EYA3: variants seen among roughly 807,000 people sequenced by gnomAD.
EYA3 encodes EYA transcriptional coactivator and phosphatase 3.
In EYA3, 39 loss-of-function variants were observed where a neutral mutation model predicts 80.0. That is an observed-to-expected ratio of 0.49 (90% CI 0.38 to 0.64). The LOEUF (loss-of-function observed/expected upper bound fraction) is 0.64, where lower values mean the gene tolerates loss of function less well. Among genes scored for constraint, EYA3 ranks in the 30% least tolerant of loss-of-function variants. EYA3 has a pLI of 0.00. For missense variants in EYA3, 523 were observed against 676.1 expected (o/e 0.77, Z 2.51); for synonymous variants, 206 against 232.8 (o/e 0.88, Z 1.05).
intron 7 of EYA3, among the ~76,000 whole-genome samples, chr1:28,022,651 C>A (rs1642520015): frequency 2.0e-5 from 3 of 152,152 alleles, no homozygotes; most frequent in Admixed American, 2.0e-4. Flanking sequence ...TTTGTTTGCT[C>A]TGTCAGCTGA....
At position 28,013,301 on chromosome 1, in the gene EYA3, G is replaced by T. The variant is rs1425202303; in HGVS notation, c.586-7C>A. The T allele has an allele frequency of 6.3e-7, 1 of 1,594,922 alleles. No individual in the cohort carries two copies. The highest frequency in any genetic ancestry group is 8.5e-7 in the Non-Finnish European group (1 of 1,170,734). On this transcript the variant is annotated splice_region_variant and splice_polypyrimidine_tract_variant and intron_variant, in intron 8 of 17. Coordinates refer to ENST00000373871, the MANE Select transcript of EYA3 (RefSeq NM_001990.4). This position sits in a 1 kb window ranked among gnomAD's most constrained non-coding sequence, Gnocchi z 4.0. ...TAGTATAGGTGGGATAATCCTGCAGGCCAAAGGAAATAAGAAAACAAGACT... is the reference window on the plus strand; with the variant it reads ...TAGTATAGGTGGGATAATCCTGCAGTCCAAAGGAAATAAGAAAACAAGACT...
intron 4 of EYA3, 43 bp downstream of exon 4, chr1:28,042,528 T>C (rs371140944): frequency 8.5e-6 from 13 of 1,533,452 alleles, no homozygotes; most frequent in Admixed American, 3.4e-5. Flanking sequence ...CATTACTAGT[T>C]ATAGGAATAT....
At chr1:28,044,635 G>C (rs896903973) in intron 3 of EYA3, among the ~76,000 whole-genome samples, 1 of 152,038 alleles carries the variant, frequency 6.6e-6, no homozygotes, top group African/African-American at 2.4e-5. Flanking sequence ...CAGCAAAATT[G>C]TAAAAAGAAA....
At chr1:27,999,839 A>C (rs1640707303) in intron 12 of EYA3, 121 bp downstream of exon 12, 1 of 642,910 alleles carries the variant, frequency 1.6e-6, no homozygotes, top group African/African-American at 1.9e-5. Flanking sequence ...CTTAGTGGCC[A>C]GCTGGCCTCT....
At chr1:27,994,580 G>A (rs1487114372) in intron 13 of EYA3, among the ~76,000 whole-genome samples, 2 of 152,060 alleles carry the variant, frequency 1.3e-5, no homozygotes, top group Admixed American at 6.5e-5. Context: ...CCAGCTACTC[G>A]GGAGACTGAG....
At chr1:28,077,503 T>A (rs1357445647) in intron 1 of EYA3, among the ~76,000 whole-genome samples, 1 of 152,198 alleles carries the variant, frequency 6.6e-6, no homozygotes, top group Non-Finnish European at 1.5e-5. Context: ...CTGAATTAGC[T>A]ATGTCAAAGT....
At chr1:27,999,827 G>T in intron 12 of EYA3, 133 bp downstream of exon 12, 1 of 566,452 alleles carries the variant, frequency 1.8e-6, no homozygotes. Flanking sequence ...ATGTATGTAT[G>T]CCTTAGTGGC....
chr1:28,038,439 T>TAAAAAAAAAAAAA (rs74525723), intron 5 of EYA3, among the ~76,000 whole-genome samples: 40 of 68,490 alleles, frequency 5.8e-4, no homozygotes, highest in African/African-American at 1.1e-3. Context: ...GATTCTATCT[T>TAAAAAAAAAAAAA]AAAAAAAAAA....
rs1288901227 is a variant in EYA3 at position 28,007,864 on chromosome 1, T to C, written c.909+3083A>G. On this transcript the variant is annotated intron_variant, in intron 10 of 17. Transcript: ENST00000373871. ...CGCAATCCCTATCAAAATCCAATAG[T>C]AGTTTTTTAAAAAAATAGAAAATTG... Among the ~76,000 whole-genome samples the C allele has an allele frequency of 3.3e-5, 5 of 152,112 alleles. No homozygotes were observed. In the East Asian group the frequency reaches 5.8e-4, roughly 18 times the overall value.
At position 27,978,422 on chromosome 1, in the gene EYA3, T is replaced by C; in HGVS notation, c.1593A>G (p.Thr531=). Residue 531 remains threonine (T), a synonymous_variant, in exon 17 of 18, where the codon ACA becomes ACG. Transcript: ENST00000373871. Reference sequence around the variant, plus strand: ...CTCGTCCATCTCCAATCACTACATATGTGACTTTCTTTCCAAACCTTGACA... The same window carrying C: ...CTCGTCCATCTCCAATCACTACATACGTGACTTTCTTTCCAAACCTTGACA... The part of the protein sequence containing the change: ...RIVSRFGKKV[T]YVVIGDGRDE... The C allele has an allele frequency of 1.9e-6, 3 of 1,614,196 alleles. No homozygotes were observed. Among genetic ancestry groups the C allele is most frequent in the Non-Finnish European group, 2.5e-6 (3 of 1,180,020 alleles).
intron 4 of EYA3, 77 bp downstream of exon 4, chr1:28,042,494 G>A (rs1055297774): frequency 1.7e-5 from 23 of 1,358,522 alleles, no homozygotes; most frequent in African/African-American, 1.2e-4. Flanking sequence ...AGGCAATTAC[G>A]AAAAACCAAC....
At chr1:28,042,097 T>C (rs1643814982) in intron 4 of EYA3, among the ~76,000 whole-genome samples, 1 of 152,204 alleles carries the variant, frequency 6.6e-6, no homozygotes, top group African/African-American at 2.4e-5. Flanking sequence ...GAGGTGAAAC[T>C]AGAATTCTAC....
chr1:28,085,521 AAAAC>A (rs1179540189), intron 1 of EYA3, among the ~76,000 whole-genome samples: 3 of 152,232 alleles, frequency 2.0e-5, no homozygotes, highest in East Asian at 1.9e-4. Context: ...CAAGGACCAA[AAAAC>A]AAACAAACAA....
intron 2 of EYA3, among the ~76,000 whole-genome samples, chr1:28,052,121 G>A (rs374493303): frequency 2.6e-5 from 4 of 152,152 alleles, no homozygotes. Context: ...CATTTCTCAC[G>A]CCTTGGCCTC....
At chr1:27,999,872 CATATCTTCTA>C in intron 12 of EYA3, 78 bp downstream of exon 12, 1 of 978,968 alleles carries the variant, frequency 1.0e-6, no homozygotes, top group South Asian at 1.8e-5. Flanking sequence ...TATCTAAACA[CATATCTTCTA>C]ATATAATAAG....
chr1:28,017,074 T>A, intron 8 of EYA3, 80 bp downstream of exon 8: 1 of 1,239,084 alleles, frequency 8.1e-7, no homozygotes, highest in South Asian at 1.3e-5. Context: ...GTTTCTTAGA[T>A]AGGCAAATTG....
chr1:28,011,164 T>A, intron 9 of EYA3, 78 bp from the exon 10 acceptor site: 2 of 1,454,684 alleles, frequency 1.4e-6, no homozygotes, highest in African/African-American at 2.8e-5. Context: ...GTTAGTGGAC[T>A]CTCTGCCCTT....
chr1:28,049,212 A>G (rs1208698216), intron 2 of EYA3, among the ~76,000 whole-genome samples: 2 of 152,206 alleles, frequency 1.3e-5, no homozygotes, highest in Non-Finnish European at 2.9e-5. Flanking sequence ...TTAATATTAC[A>G]TTGACTATTT....
intron 1 of EYA3, among the ~76,000 whole-genome samples, chr1:28,061,259 A>G (rs978932409): frequency 2.0e-5 from 3 of 152,214 alleles, no homozygotes; most frequent in African/African-American, 7.2e-5. Context: ...CAAAACATTC[A>G]TCTAAATACT....
Sources: gnomAD v4.1 joint callset for allele counts (sites outside exome capture counted in the v4.1 genomes callset) on GRCh38, gnomAD v4.1.1 for gene constraint, Gnocchi (gnomAD v3.1) non-coding constraint, MANE v1.5 for transcripts, NCBI Gene and HGNC (gene_info 2026-07-23, HGNC 2026-07-21) for gene names.